The following XRCC6 variants were observed in gnomAD, a reference collection of about 807,000 sequenced individuals.
XRCC6 encodes X-ray repair cross complementing 6.
XRCC6 carries 5 observed loss-of-function variants against 65.7 expected under a neutral mutation model. The ratio of observed to expected loss-of-function variants is 0.08; its 90% CI spans 0.04 to 0.16. The LOEUF (loss-of-function observed/expected upper bound fraction) is 0.16. XRCC6 is among the 10% of genes least tolerant of loss of function. The pLI is 1.00. For synonymous variants in XRCC6, 270 were observed against 270.6 expected, an observed-to-expected ratio of 1.00 and a Z score of 0.02; for missense variants, 447 against 738.1, an observed-to-expected ratio of 0.61 and a Z score of 4.57.
At chr22:41,637,078 A>ATTTTTTT (rs35433922) in intron 5 of XRCC6, among the ~76,000 whole-genome samples, 1 of 88,708 alleles carries the variant, frequency 1.1e-5, no homozygotes, top group African/African-American at 4.2e-5. Flanking sequence ...GATTGTCTTG[A>ATTTTTTT]TTTTTTTTTT....
chr22:41,636,288 A>G (rs770158327), intron 4 of XRCC6, 37 bp downstream of exon 4: 4 of 1,560,892 alleles, frequency 2.6e-6, no homozygotes, highest in Non-Finnish European at 2.6e-6. Flanking sequence ...TCCCTTATAT[A>G]TGAGAATATC....
In XRCC6 at chr22:41,622,020, T is replaced by A; in HGVS notation, c.16T>A (p.Ser6Thr). The A allele has an allele frequency of 3.1e-6, 5 of 1,614,060 alleles. No homozygotes were observed. The highest frequency in any genetic ancestry group is 1.1e-5 in the South Asian group (1 of 91,072). ...AGTAGCCAACATGTCAGGGTGGGAG[T>A]CATATTACAAAACCGAGGGCGATGA... MSGWE[S>T]YYKTEGDEEA... Residue 6 changes from serine (S) to threonine (T), a missense_variant, in exon 2 of 13, where the codon TCA becomes ACA. By Grantham distance (58) the Ser-to-Thr change is moderately conservative. Coordinates refer to ENST00000360079, the MANE Select transcript of XRCC6 (RefSeq NM_001469.5).
intron 6 of XRCC6, among the ~76,000 whole-genome samples, chr22:41,638,025 C>T (rs2067828383): frequency 6.6e-6 from 1 of 151,402 alleles, no homozygotes; most frequent in African/African-American, 2.4e-5. Flanking sequence ...AAACCAGAAG[C>T]AATACATTGC....
chr22:41,662,301 C>T (rs1227853356), intron 12 of XRCC6, among the ~76,000 whole-genome samples: 1 of 152,078 alleles, frequency 6.6e-6, no homozygotes, highest in African/African-American at 2.4e-5. Flanking sequence ...CATTGCATGC[C>T]TGTATCAAAA....
At chr22:41,650,952 C>G (rs2067988878) in intron 8 of XRCC6, 61 bp downstream of exon 8, 1 of 1,591,534 alleles carries the variant, frequency 6.3e-7, no homozygotes, top group East Asian at 2.2e-5. Context: ...CGGAGCAGCG[C>G]TTTGTAAATG....
chr22:41,637,765 G>A lies in XRCC6; in HGVS notation c.747G>A (p.Lys249=), dbSNP rs780486429. The A allele has an allele frequency of 1.2e-6, 2 of 1,613,918 alleles. No homozygotes were observed. The highest frequency in any genetic ancestry group is 3.3e-5 in the Admixed American group (2 of 59,978). Residue 249 remains lysine (K), a synonymous_variant, in exon 6 of 13, where the codon AAG becomes AAA. Coordinates refer to ENST00000360079, the MANE Select transcript of XRCC6 (RefSeq NM_001469.5). ...LEDLLRKVRA[K]ETRKRALSRL... Reference sequence around the variant, plus strand: ...ACCTGTTGCGGAAGGTTCGCGCCAAGGAGACCAGGAAGCGAGCACTCAGCA... The same window carrying A: ...ACCTGTTGCGGAAGGTTCGCGCCAAAGAGACCAGGAAGCGAGCACTCAGCA...
chr22:41,625,712 C>A (rs1468946622), intron 2 of XRCC6, among the ~76,000 whole-genome samples: 1 of 152,184 alleles, frequency 6.6e-6, no homozygotes, highest in Non-Finnish European at 1.5e-5. Flanking sequence ...TGCCTGTAAT[C>A]CCAATACTTT....
At chr22:41,658,499 C>T in intron 11 of XRCC6, 147 bp downstream of exon 11, 1 of 742,876 alleles carries the variant, frequency 1.3e-6, no homozygotes, top group Non-Finnish European at 2.2e-6. Context: ...CTTTTCCAGA[C>T]CAGCTTAAAC....
Position 41,635,410 on chromosome 22 carries a change from G to A in XRCC6, c.196-703G>A, listed in dbSNP as rs187842104. 5.0e-4 allele frequency among the ~76,000 whole-genome samples: 76 copies of A among 152,320 alleles called. 1 individual carries two copies. Among genetic ancestry groups the A allele is most frequent in the Middle Eastern group, 6.8e-3 (2 of 294 alleles). Reference sequence around the variant, plus strand: ...TCTGTTTCCTGATACCAAGGTACTTGAAAGATCACATGACCTGTCCAAATT... The same window carrying A: ...TCTGTTTCCTGATACCAAGGTACTTAAAAGATCACATGACCTGTCCAAATT... On this transcript the variant is annotated intron_variant, in intron 3 of 12. Transcript: ENST00000360079.
rs1330208830 is a variant in XRCC6, at chr22:41,663,926, A to C, written c.*111A>C. 2.6e-6 allele frequency: 3 copies of C among 1,173,646 alleles called. No individual in the cohort carries two copies. The highest frequency in any genetic ancestry group is 3.6e-6 in the Non-Finnish European group (3 of 840,156). 72.7% of individuals were successfully genotyped at this position (1,173,646 alleles called of 1,614,324 possible). A position where few individuals can be genotyped will look rare whatever the true frequency, so the allele number is the denominator to read the frequency against. On this transcript the variant is annotated 3_prime_UTR_variant, in exon 13 of 13. Transcript: ENST00000360079. ...GAGCTAGGAAGAGTCTACCCGACAT[A>C]AGTCGAGGGACTTTATGTTTTTGAG... is the stretch of plus-strand genomic sequence containing the variant.
At position 41,622,013 on chromosome 22, in the gene XRCC6, G is replaced by A; in HGVS notation, c.9G>A (p.Gly3=). MS[G]WESYYKTEGD... is the part of the protein sequence containing the mutation. ...AGTGAGCAGTAGCCAACATGTCAGG[G>A]TGGGAGTCATATTACAAAACCGAGG... Residue 3 remains glycine, a synonymous_variant, in exon 2 of 13, where the codon GGG becomes GGA. Transcript: ENST00000360079. The A allele has an allele frequency of 6.2e-7, 1 of 1,614,266 alleles. No individual in the cohort carries two copies. The highest frequency in any genetic ancestry group is 8.5e-7 in the Non-Finnish European group (1 of 1,180,044).
intron 7 of XRCC6, among the ~76,000 whole-genome samples, chr22:41,649,736 TC>T (rs1414944592): frequency 4.6e-5 from 7 of 151,456 alleles, no homozygotes; most frequent in African/African-American, 1.5e-4. Flanking sequence ...GCACCTATAG[TC>T]CCAGCTACTC....
At chr22:41,659,006 C>A (rs780722435) in intron 11 of XRCC6, among the ~76,000 whole-genome samples, 1 of 152,116 alleles carries the variant, frequency 6.6e-6, no homozygotes, top group Admixed American at 6.6e-5. Context: ...TAGAATCCAG[C>A]GACTCGCAGC....
At position 41,636,712 on chromosome 22, in the gene XRCC6, C is replaced by T. The variant is rs1188088531; in HGVS notation, c.531C>T (p.Gly177=). The change falls in exon 5 of 13, where the codon GGC becomes GGT. Residue 177 remains glycine, a synonymous_variant. Transcript: ENST00000360079. ...TCACCAATGAAGACAACCCCCATGG[C>T]AATGACAGTGCCAAAGCCAGCCGGG... ...MLFTNEDNPH[G]NDSAKASRAR... is the part of the protein sequence containing the mutation. 2 of 1,614,160 alleles carry T rather than the reference C, an allele frequency of 1.2e-6. No individual in the cohort carries two copies. Among genetic ancestry groups the T allele is most frequent in the Admixed American group, 1.7e-5 (1 of 60,000 alleles).
At chr22:41,663,547 TCCC>T in intron 12 of XRCC6, 72 bp from the exon 13 acceptor site, 3 of 1,499,684 alleles carry the variant, frequency 2.0e-6, no homozygotes, top group Admixed American at 3.9e-5. Context: ...TTATACGAGG[TCCC>T]CCATGCCATG....
intron 8 of XRCC6, among the ~76,000 whole-genome samples, chr22:41,653,211 G>A (rs548204867): frequency 1.3e-5 from 2 of 152,046 alleles, no homozygotes; most frequent in East Asian, 1.9e-4. Flanking sequence ...GGAGACCAGC[G>A]TGGGTGACTT....
chr22:41,659,160 G>T (rs919647008), intron 11 of XRCC6, among the ~76,000 whole-genome samples: 7 of 151,954 alleles, frequency 4.6e-5, no homozygotes, highest in Non-Finnish European at 7.4e-5. Flanking sequence ...GTCTCAGAAT[G>T]ATCTATTTTA....
rs773221766 is a variant in XRCC6, at chr22:41,636,740, A to C, written c.559A>C (p.Arg187=). The stretch of plus-strand genomic sequence containing the variant: ...TGACAGTGCCAAAGCCAGCCGGGCC[A>C]GGACCAAAGCCGGTGATCTCCGAGA... ...GNDSAKASRA[R]TKAGDLRDTG... is the part of the protein sequence containing the mutation. The change falls in exon 5 of 13, where the codon AGG becomes CGG. Residue 187 remains arginine, a synonymous_variant. Coordinates refer to ENST00000360079, the MANE Select transcript of XRCC6 (RefSeq NM_001469.5). 22 of 1,614,234 alleles carry C rather than the reference A, an allele frequency of 1.4e-5. No individual in the cohort carries two copies. The South Asian group carries it at 2.3e-4, about 17-fold the overall frequency.
chr22:41,637,887 G>A, intron 6 of XRCC6, 96 bp downstream of exon 6: 1 of 1,350,502 alleles, frequency 7.4e-7, no homozygotes, highest in Non-Finnish European at 9.8e-7. Context: ...CAGTTTGGGA[G>A]GCCAAGGCAG....
Sources: allele counts gnomAD v4.1 joint callset (sites outside exome capture counted in the v4.1 genomes callset), GRCh38; gene constraint gnomAD v4.1.1; transcripts MANE v1.5; gene names NCBI Gene and HGNC (gene_info 2026-07-23, HGNC 2026-07-21).